HIVEP3: variants seen among roughly 807,000 people sequenced by gnomAD.
HIVEP3 encodes transcription factor HIVEP3.
Under a neutral mutation model 152.8 loss-of-function variants are expected in HIVEP3, and 49 were observed. The ratio of observed to expected loss-of-function variants is 0.32; its 90% confidence interval spans 0.26 to 0.41. The LOEUF (loss-of-function observed/expected upper bound fraction) is 0.41. HIVEP3 is among the 10% of genes least tolerant of loss of function. The pLI is 1.00. For missense variants in HIVEP3, 2,790 were observed against 3,103.3 expected, an observed-to-expected ratio of 0.90 and a Z score of 2.40; for synonymous variants, 1,269 against 1,289.0, an observed-to-expected ratio of 0.98 and a Z score of 0.33.
chr1:41,896,748 G>A (rs1483518103), intron 1 of HIVEP3, among the ~76,000 whole-genome samples: 1 of 151,852 alleles, frequency 6.6e-6, no homozygotes, highest in Non-Finnish European at 1.5e-5. Flanking sequence ...CTAATTTTTT[G>A]TATTTTTAGT....
At chr1:41,807,941 C>T (rs1650732456) in intron 1 of HIVEP3, among the ~76,000 whole-genome samples, 1 of 152,126 alleles carries the variant, frequency 6.6e-6, no homozygotes, top group Admixed American at 6.5e-5. Flanking sequence ...GTGAAGGAGG[C>T]ACTCAGCAGC....
At chr1:41,905,853 C>G (rs1644700480) in intron 1 of HIVEP3, among the ~76,000 whole-genome samples, 1 of 152,148 alleles carries the variant, frequency 6.6e-6, no homozygotes. Flanking sequence ...CACCTGGTGA[C>G]AGGCTAGCAG....
rs1309022906 is a variant in HIVEP3 at position 41,591,395 on chromosome 1, G to A, written c.-521-6077C>T. On this transcript the variant is annotated intron_variant, in intron 3 of 8. Coordinates refer to ENST00000372583, the MANE Select transcript of HIVEP3 (RefSeq NM_024503.5). ...CTTGAGTTGGGCAGAGCCTTGGCCT[G>A]CATGCTGGAGCCAAGTGGTCCTAGC... 3.3e-5 allele frequency among the ~76,000 whole-genome samples: 5 copies of A among 152,284 alleles called. No homozygotes were observed. In the South Asian group the frequency reaches 1.0e-3, roughly 32 times the overall value.
rs1323349051 is a variant in HIVEP3, at chr1:41,565,763, G to A, written c.5207+9781C>T. ...TTGTAGCTCTCAGGGGACTACCAGGGGCTGCCCGAGACCCCCCTACCCAGG... is the reference window on the plus strand; with the variant it reads ...TTGTAGCTCTCAGGGGACTACCAGGAGCTGCCCGAGACCCCCCTACCCAGG... On this transcript the variant is annotated intron_variant, in intron 5 of 8. Transcript: ENST00000372583. Among the ~76,000 whole-genome samples, 4 of 152,074 alleles carry A rather than the reference G, an allele frequency of 2.6e-5. No individual in the cohort carries two copies. In the East Asian group the frequency reaches 5.8e-4, roughly 22 times the overall value.
At chr1:41,619,442 T>C (rs868507273) in intron 3 of HIVEP3, among the ~76,000 whole-genome samples, 10 of 152,358 alleles carry the variant, frequency 6.6e-5, no homozygotes, top group Admixed American at 3.9e-4. Flanking sequence ...ATACAGTCTA[T>C]AGAGAGTGTG....
At chr1:41,671,757 G>A (rs1645880526) in intron 2 of HIVEP3, among the ~76,000 whole-genome samples, 1 of 152,220 alleles carries the variant, frequency 6.6e-6, no homozygotes, top group Non-Finnish European at 1.5e-5. Flanking sequence ...GTCAGACTAA[G>A]ACTAGGAGAG....
chr1:41,706,430 C>T (rs141235902), intron 1 of HIVEP3, among the ~76,000 whole-genome samples: 2 of 152,226 alleles, frequency 1.3e-5, no homozygotes, highest in Non-Finnish European at 2.9e-5. Flanking sequence ...TACATGTGTG[C>T]ACCACCACAC....
rs1388848062 is a variant in HIVEP3 at position 41,527,234 on chromosome 1, ACACT to A, written c.5208-2328_5208-2325del. 8.2e-4 allele frequency among the ~76,000 whole-genome samples: 44 copies of A among 53,666 alleles called. 1 individual carries two copies. The highest frequency in any genetic ancestry group is 2.0e-3 in the African/African-American group (24 of 12,280). The allele number at this position is 53,666 out of a possible 152,430, so 35.2% of individuals were successfully genotyped here. A position where few individuals can be genotyped will look rare whatever the true frequency, so the allele number is the denominator to read the frequency against. ...CTCACCCTCACACACTCACCCTCAC[ACACT>A]CACCTCACACACACACACCCTCACA... On this transcript the variant is annotated intron_variant, in intron 5 of 8. Coordinates refer to ENST00000372583, the MANE Select transcript of HIVEP3 (RefSeq NM_024503.5).
chr1:41,832,376 A>G (rs349425), intron 1 of HIVEP3, among the ~76,000 whole-genome samples: 1 of 151,804 alleles, frequency 6.6e-6, no homozygotes, highest in African/African-American at 2.4e-5. Flanking sequence ...AAAATTTTTT[A>G]AAAAATTAGC....
At chr1:41,539,609 C>A (rs944356851) in intron 5 of HIVEP3, among the ~76,000 whole-genome samples, 1 of 152,174 alleles carries the variant, frequency 6.6e-6, no homozygotes, top group African/African-American at 2.4e-5. Flanking sequence ...CCTGAAGAGG[C>A]GGGAGCCTGT....
rs773448826 is a variant in HIVEP3 at position 41,524,879 on chromosome 1, G to A, written c.5239C>T (p.Arg1747Ter). ...ACATATTTCCCTCGGCCGCGGCCTC[G>A]CACATATACATACTCTTCGTTTGAT... ...YKSNEEYVYV[R>*]GRGRGKYVCE... Residue 1747 changes from arginine to a stop codon, truncating the protein, a stop_gained, in exon 6 of 9, where the codon CGA (arginine) becomes TGA (stop). Transcript: ENST00000372583. LOFTEE classifies it high-confidence loss of function. 12 of 1,614,034 alleles carry A rather than the reference G, an allele frequency of 7.4e-6. No individual in the cohort carries two copies. The highest frequency in any genetic ancestry group is 1.0e-5 in the Non-Finnish European group (12 of 1,179,988).
intron 1 of HIVEP3, among the ~76,000 whole-genome samples, chr1:41,753,624 C>T (rs373742348): frequency 6.6e-6 from 1 of 151,762 alleles, no homozygotes; most frequent in African/African-American, 2.4e-5. Flanking sequence ...GCCGAGATCA[C>T]GTCATCGCAC....
intron 5 of HIVEP3, among the ~76,000 whole-genome samples, chr1:41,537,706 A>T (rs1488548758): frequency 6.6e-6 from 1 of 152,252 alleles, no homozygotes; most frequent in Non-Finnish European, 1.5e-5. Context: ...CATGTGGGTC[A>T]TGGGGAAAGT....
rs539896051 is a variant in HIVEP3 at position 41,815,479 on chromosome 1, A to G, written c.-801+102934T>C. Among the ~76,000 whole-genome samples the G allele has an allele frequency of 2.2e-3, 339 of 152,282 alleles. 1 individual carries two copies. The highest frequency in any genetic ancestry group is 7.8e-3 in the African/African-American group (324 of 41,548). On this transcript the variant is annotated intron_variant, in intron 1 of 8. Transcript: ENST00000372583. Reference sequence around the variant, plus strand: ...GAGTGAGACCCTGTCTCAAAAAAAGAAAGAAAAAAAGAGAAAAGAAAAGAA... The same window carrying G: ...GAGTGAGACCCTGTCTCAAAAAAAGGAAGAAAAAAAGAGAAAAGAAAAGAA...
intron 1 of HIVEP3, among the ~76,000 whole-genome samples, chr1:41,711,953 A>G (rs1337446625): frequency 1.3e-5 from 2 of 152,250 alleles, no homozygotes; most frequent in African/African-American, 4.8e-5. Context: ...CAAACAGGGC[A>G]GCAAACACAC....
intron 1 of HIVEP3, among the ~76,000 whole-genome samples, chr1:41,859,554 T>G (rs1037549174): frequency 2.0e-5 from 3 of 152,222 alleles, no homozygotes; most frequent in Admixed American, 2.0e-4. Context: ...ATTCACATCC[T>G]ACCTCCACCA....
chr1:41,768,708 C>T (rs1211377530), intron 1 of HIVEP3, among the ~76,000 whole-genome samples: 1 of 150,826 alleles, frequency 6.6e-6, no homozygotes, highest in Non-Finnish European at 1.5e-5. Context: ...AGAGGAACTG[C>T]CTTCACCTCC....
chr1:41,681,114 G>A (rs1646031740), intron 2 of HIVEP3, among the ~76,000 whole-genome samples: 1 of 152,126 alleles, frequency 6.6e-6, no homozygotes, highest in Non-Finnish European at 1.5e-5. Flanking sequence ...GTGTGTGTGT[G>A]TGTGTGTATA....
intron 1 of HIVEP3, among the ~76,000 whole-genome samples, chr1:41,763,437 C>T (rs912928371): frequency 6.6e-6 from 1 of 152,200 alleles, no homozygotes; most frequent in Non-Finnish European, 1.5e-5. Flanking sequence ...CTGAGACCTG[C>T]CTGGCTCTCA....
Sources: allele counts gnomAD v4.1 joint callset (sites outside exome capture counted in the v4.1 genomes callset), GRCh38; gene constraint gnomAD v4.1.1; transcripts MANE v1.5; gene names NCBI Gene and HGNC (gene_info 2026-07-23, HGNC 2026-07-21).